The following ACVR2B variants were observed in gnomAD, a reference collection of about 807,000 sequenced individuals.
ACVR2B encodes the protein activin A receptor type 2B, also known as activin receptor type-2B.
Under a neutral mutation model 65.1 loss-of-function variants are expected in ACVR2B, and 18 were observed. That is an observed-to-expected ratio of 0.28 (90% CI 0.19 to 0.41). The LOEUF (loss-of-function observed/expected upper bound fraction) is 0.41, where lower values mean the gene tolerates loss of function less well. ACVR2B is among the 10% of genes least tolerant of loss of function. ACVR2B has a pLI of 1.00. For synonymous variants in ACVR2B, 298 were observed against 277.7 expected (o/e 1.07, Z -0.73); for missense variants, 482 against 682.7 (o/e 0.71, Z 3.28).
intron 1 of ACVR2B, among the ~76,000 whole-genome samples, chr3:38,466,079 T>G (rs7372545): frequency 0.71 from 107,841 of 152,098 alleles, 38,636 homozygotes; most frequent in African/African-American, 0.81. Context: ...CAGAATGAAG[T>G]CATCATCATG....
In ACVR2B at chr3:38,477,025, C is replaced by T. The variant is rs1709923230; in HGVS notation, c.53-262C>T. ...CCTTCTGTGGCATTAGGTTTCCTGC[C>T]TCCTCCCTTTTGCTTAGGCCTAGGG... On this transcript the variant is annotated intron_variant, in intron 1 of 10. Coordinates refer to ENST00000352511, the MANE Select transcript of ACVR2B (RefSeq NM_001106.4). This position sits in a 1 kb window ranked among gnomAD's most constrained non-coding sequence, Gnocchi z 6.7. 3 of 573,482 alleles carry T rather than the reference C, an allele frequency of 5.2e-6. No homozygotes were observed. Among genetic ancestry groups the T allele is most frequent in the Admixed American group, 3.0e-5 (1 of 33,102 alleles). 35.5% of individuals were successfully genotyped at this position (573,482 alleles called of 1,614,324 possible).
intron 1 of ACVR2B, among the ~76,000 whole-genome samples, chr3:38,461,959 A>G (rs1037040916): frequency 1.3e-5 from 2 of 151,992 alleles, no homozygotes; most frequent in East Asian, 1.9e-4. Context: ...TTGGGAGGCC[A>G]AGGTGGGCGG....
Position 38,483,579 on chromosome 3 carries a change from C to A in ACVR2B, c.*247C>A. 1 of 172,826 alleles carries A rather than the reference C, an allele frequency of 5.8e-6. No individual in the cohort carries two copies. The highest frequency in any genetic ancestry group is 1.2e-5 in the Non-Finnish European group (1 of 84,672). 10.7% of individuals were successfully genotyped at this position (172,826 alleles called of 1,614,324 possible). A position where few individuals can be genotyped will look rare whatever the true frequency, so the allele number is the denominator to read the frequency against. On this transcript the variant is annotated 3_prime_UTR_variant, in exon 11 of 11. Transcript: ENST00000352511. The surrounding 1 kb of genome is among the most constrained non-coding windows in gnomAD (Gnocchi z 4.8). ...CACAAACAGCGGACACGTCAGCAGG[C>A]GTTGAGGTGCTGAGCTGTGGATGCA...
chr3:38,491,714 T>C lies in ACVR2B; in HGVS notation c.*8382T>C, dbSNP rs2059811768. 1 of 152,218 alleles carries C rather than the reference T, an allele frequency of 6.6e-6. No individual in the cohort carries two copies. 9.4% of individuals were successfully genotyped at this position (152,218 alleles called of 1,614,324 possible). ...TTCAGGAGACCTCATCTGAAAATGT[T>C]AAGACTGCCAGTGAGGGAAGGAATT... On this transcript the variant is annotated 3_prime_UTR_variant, in exon 11 of 11. Coordinates refer to ENST00000352511, the MANE Select transcript of ACVR2B (RefSeq NM_001106.4).
At chr3:38,456,507 G>A (rs1046861623) in intron 1 of ACVR2B, among the ~76,000 whole-genome samples, 10 of 152,330 alleles carry the variant, frequency 6.6e-5, no homozygotes, top group African/African-American at 2.2e-4. Context: ...AGAAGAAACA[G>A]CTGTGTCTTA....
chr3:38,481,459 C>A lies in ACVR2B; in HGVS notation c.1068C>A (p.His356Gln). 6.2e-7 allele frequency: 1 copy of A among 1,613,948 alleles called. No homozygotes were observed. The highest frequency in any genetic ancestry group is 1.1e-5 in the South Asian group (1 of 91,076). The change falls in exon 8 of 11, where the codon CAC (histidine) becomes CAA (glutamine). Residue 356 changes from histidine (H) to glutamine (Q), a missense_variant. Physicochemically the swap from His to Gln is conservative, Grantham distance 24. Transcript: ENST00000352511. This position sits in a 1 kb window ranked among gnomAD's most constrained non-coding sequence, Gnocchi z 4.7. ...FEPGKPPGDT[H>Q]GQVGTRRYMA... ...CAGGGAAACCTCCAGGGGACACCCA[C>A]GGACAGGTAACAGGCCTCACAGGGC...
chr3:38,479,298 CTGAG>C (rs1559654253), intron 6 of ACVR2B, 27 bp downstream of exon 6: 1 of 1,614,098 alleles, frequency 6.2e-7, no homozygotes, highest in Non-Finnish European at 8.5e-7. Context: ...AGAATGGACT[CTGAG>C]AGGAGATGGA....
chr3:38,465,893 A>C (rs1406767627), intron 1 of ACVR2B, among the ~76,000 whole-genome samples: 2 of 152,206 alleles, frequency 1.3e-5, no homozygotes, highest in Non-Finnish European at 2.9e-5. Context: ...AAACAAAGAC[A>C]GAATGTTGAA....
At chr3:38,462,118 C>T (rs566543349) in intron 1 of ACVR2B, among the ~76,000 whole-genome samples, 16 of 152,132 alleles carry the variant, frequency 1.1e-4, no homozygotes, top group South Asian at 1.0e-3. Flanking sequence ...GGCGTGAACC[C>T]GGGAGGCGGA....
chr3:38,461,735 C>G (rs1005562055), intron 1 of ACVR2B, among the ~76,000 whole-genome samples: 3 of 152,016 alleles, frequency 2.0e-5, no homozygotes, highest in African/African-American at 7.3e-5. Flanking sequence ...AGTAATATAC[C>G]TACATTATAT....
chr3:38,481,991 T>C lies in ACVR2B; in HGVS notation c.1075-207T>C, dbSNP rs1351474343. On this transcript the variant is annotated intron_variant, in intron 8 of 10. Coordinates refer to ENST00000352511, the MANE Select transcript of ACVR2B (RefSeq NM_001106.4). This position sits in a 1 kb window ranked among gnomAD's most constrained non-coding sequence, Gnocchi z 4.7. ...TACTATTATCTCCAGGATATAGTATTTAAAAATTATTAGCCAAGTATAATT... is the reference window on the plus strand; with the variant it reads ...TACTATTATCTCCAGGATATAGTATCTAAAAATTATTAGCCAAGTATAATT... Among the ~76,000 whole-genome samples, 1 of 152,174 alleles carries C rather than the reference T, an allele frequency of 6.6e-6. No individual in the cohort carries two copies. The highest frequency in any genetic ancestry group is 1.5e-5 in the Non-Finnish European group (1 of 68,044).
chr3:38,455,444 C>T (rs1000032827), intron 1 of ACVR2B, among the ~76,000 whole-genome samples: 13 of 152,126 alleles, frequency 8.5e-5, no homozygotes, highest in Admixed American at 2.0e-4. Flanking sequence ...TGGCAGCCGC[C>T]TGGAGTCTGG....
chr3:38,478,141 T>G lies in ACVR2B; in HGVS notation c.371T>G (p.Val124Gly), dbSNP rs767580601. ...ACACAGGGCTCTGTGTGTCCCCCAG[T>G]CACGTACGAGCCACCCCCGACAGCC... The part of the protein sequence containing the change: ...THLPEAGGPE[V>G]TYEPPPTAPT... Residue 124 changes from valine (V) to glycine (G), a missense_variant and splice_region_variant, in exon 4 of 11, where the codon GTC becomes GGC. Coordinates refer to ENST00000352511, the MANE Select transcript of ACVR2B (RefSeq NM_001106.4). 1 of 1,611,388 alleles carries G rather than the reference T, an allele frequency of 6.2e-7. No homozygotes were observed. The highest frequency in any genetic ancestry group is 2.2e-5 in the East Asian group (1 of 44,876).
chr3:38,481,607 T>G lies in ACVR2B; in HGVS notation c.1074+142T>G. On this transcript the variant is annotated intron_variant, in intron 8 of 10. Coordinates refer to ENST00000352511, the MANE Select transcript of ACVR2B (RefSeq NM_001106.4). The surrounding 1 kb of genome is among the most constrained non-coding windows in gnomAD (Gnocchi z 4.7). ...CTGAGAACTTAGAGCAATGCTCTTG[T>G]TTGACCAGTGGAGAAACCAAGACCA... 1 of 725,422 alleles carries G rather than the reference T, an allele frequency of 1.4e-6. No individual in the cohort carries two copies. The highest frequency in any genetic ancestry group is 2.0e-5 in the Admixed American group (1 of 49,014). The allele number at this position is 725,422 out of a possible 1,614,324, so 44.9% of individuals were successfully genotyped here. A position where few individuals can be genotyped will look rare whatever the true frequency, so the allele number is the denominator to read the frequency against.
chr3:38,479,499 A>G (rs1158495220), intron 6 of ACVR2B, among the ~76,000 whole-genome samples, 179 bp from the exon 7 acceptor site: 1 of 152,114 alleles, frequency 6.6e-6, no homozygotes, highest in African/African-American at 2.4e-5. Flanking sequence ...TAGTGACTCC[A>G]TGATTCCCAC....
At chr3:38,478,354 T>TTA in intron 4 of ACVR2B, 21 bp from the exon 5 acceptor site, 1 of 1,614,020 alleles carries the variant, frequency 6.2e-7, no homozygotes, top group Admixed American at 1.7e-5. Context: ...CCAGACCTTT[T>TTA]TAAGCCTTGC....
chr3:38,466,426 C>T (rs747139194), intron 1 of ACVR2B, among the ~76,000 whole-genome samples: 8 of 151,990 alleles, frequency 5.3e-5, no homozygotes, highest in Non-Finnish European at 7.4e-5. Context: ...TTGATCATTA[C>T]GCAGTGTATA....
In ACVR2B at chr3:38,489,890, TGGATGCAGTGATCCAATTAAATGGA is replaced by T. The variant is rs1710183474; in HGVS notation, c.*6560_*6584del. On this transcript the variant is annotated 3_prime_UTR_variant, in exon 11 of 11. Transcript: ENST00000352511. The stretch of plus-strand genomic sequence containing the variant: ...TCAGAAAAGTGGGGAGGGTGGCATG[TGGATGCAGTGATCCAATTAAATGGA>T]GAGCTGCCAGGCACATTTTGTCCTC... 6.6e-6 allele frequency: 1 copy of T among 152,180 alleles called. No homozygotes were observed. The highest frequency in any genetic ancestry group is 1.5e-5 in the Non-Finnish European group (1 of 68,038). 9.4% of individuals were successfully genotyped at this position (152,180 alleles called of 1,614,324 possible). A position where few individuals can be genotyped will look rare whatever the true frequency, so the allele number is the denominator to read the frequency against.
intron 1 of ACVR2B, among the ~76,000 whole-genome samples, chr3:38,466,770 T>G (rs1304492683): frequency 6.6e-6 from 1 of 152,214 alleles, no homozygotes; most frequent in Non-Finnish European, 1.5e-5. Context: ...CCCAAAGTGC[T>G]GGGATTATAG....
Sources: allele counts gnomAD v4.1 joint callset (sites outside exome capture counted in the v4.1 genomes callset), GRCh38; gene constraint gnomAD v4.1.1; non-coding constraint Gnocchi (gnomAD v3.1); transcripts MANE v1.5; gene names NCBI Gene and HGNC (gene_info 2026-07-23, HGNC 2026-07-21).